TENM2: variants seen among roughly 807,000 people sequenced by gnomAD.
TENM2 encodes the protein teneurin-2.
A neutral mutation model predicts 245.2 loss-of-function variants in TENM2; 52 were observed. The observed-to-expected ratio is 0.21, with a 90% confidence interval of 0.17 to 0.27. TENM2 has a LOEUF of 0.27. TENM2 is among the 10% of genes least tolerant of loss of function. The pLI is 1.00. For synonymous variants in TENM2, 1,363 were observed against 1,438.9 expected (o/e 0.95, Z 1.19); for missense variants, 3,046 against 3,666.8 (o/e 0.83, Z 4.37).
intron 2 of TENM2, among the ~76,000 whole-genome samples, chr5:167,376,647 A>G (rs556058307): frequency 6.6e-6 from 1 of 152,136 alleles, no homozygotes; most frequent in East Asian, 1.9e-4. Flanking sequence ...CAGTGGGGAC[A>G]AGGGGATGTG....
chr5:167,103,896 G>A, the TENM2 span, among the ~76,000 whole-genome samples: 10 of 150,802 alleles, frequency 6.6e-5, no homozygotes, highest in East Asian at 2.0e-4. Flanking sequence ...ACACACACAC[G>A]CATGCGCACA....
At chr5:166,979,577 C>A in the TENM2 span, among the ~76,000 whole-genome samples, 1 of 152,104 alleles carries the variant, frequency 6.6e-6, no homozygotes, top group Non-Finnish European at 1.5e-5. Flanking sequence ...TTCCCCTTTT[C>A]TTTCTTTCTT....
At chr5:167,997,916 T>C (rs930734742) in intron 5 of TENM2, among the ~76,000 whole-genome samples, 2 of 152,192 alleles carry the variant, frequency 1.3e-5, no homozygotes, top group East Asian at 3.9e-4. Context: ...AGTCCAACCA[T>C]ATGTCCACTG....
chr5:167,135,962 C>T, the TENM2 span, among the ~76,000 whole-genome samples: 3 of 152,122 alleles, frequency 2.0e-5, no homozygotes, highest in Admixed American at 6.5e-5. Flanking sequence ...AAGGATTCAC[C>T]GTTTTTAATG....
intron 2 of TENM2, among the ~76,000 whole-genome samples, chr5:167,581,528 C>T (rs1048171424): frequency 2.0e-5 from 3 of 152,132 alleles, no homozygotes; most frequent in Non-Finnish European, 4.4e-5. Flanking sequence ...CAAATCTAGT[C>T]ACATGTTCTG....
downstream of TENM2, chr5:168,263,699 C>T (rs571213036): frequency 3.9e-5 from 6 of 152,626 alleles, no homozygotes; most frequent in Admixed American, 6.6e-5. Context: ...GACAGTAATA[C>T]GCAGTTACAG....
chr5:167,322,040 C>A lies in TENM2; in HGVS notation c.226+36977C>A, dbSNP rs545337853. On this transcript the variant is annotated intron_variant, in intron 1 of 28. Coordinates refer to ENST00000518659, the Ensembl canonical transcript of TENM2. Reference sequence around the variant, plus strand: ...AGACACAGGGTTTCACCTTGTTGGCCAGGCTGGTCTTGAACTCCTGACCTC... The same window carrying A: ...AGACACAGGGTTTCACCTTGTTGGCAAGGCTGGTCTTGAACTCCTGACCTC... Among the ~76,000 whole-genome samples the A allele has an allele frequency of 1.4e-4, 22 of 151,952 alleles. No individual in the cohort carries two copies. In the South Asian group the frequency reaches 4.2e-3, roughly 29 times the overall value.
the TENM2 span, among the ~76,000 whole-genome samples, chr5:167,031,435 G>A: frequency 6.6e-6 from 1 of 152,202 alleles, no homozygotes; most frequent in Admixed American, 6.5e-5. Context: ...GAGTGCTTGA[G>A]TCAGTAGTTG....
intron 2 of TENM2, among the ~76,000 whole-genome samples, chr5:167,588,316 A>G (rs760380697): frequency 7.2e-5 from 11 of 152,196 alleles, no homozygotes; most frequent in Non-Finnish European, 1.2e-4. Flanking sequence ...TCTATATATA[A>G]TAGTAGTTTG....
intron 2 of TENM2, among the ~76,000 whole-genome samples, chr5:167,646,737 CAAGTA>C (rs1166154188): frequency 6.6e-6 from 1 of 151,924 alleles, no homozygotes; most frequent in Admixed American, 6.5e-5. Flanking sequence ...AATAATAGCA[CAAGTA>C]CAGTTTTAAA....
At chr5:167,958,437 G>T (rs906049961) in intron 4 of TENM2, among the ~76,000 whole-genome samples, 1 of 152,104 alleles carries the variant, frequency 6.6e-6, no homozygotes, top group African/African-American at 2.4e-5. Context: ...TATCCAATTT[G>T]CCAGTCTGTG....
chr5:167,945,524 G>T (rs1779542524), intron 3 of TENM2, among the ~76,000 whole-genome samples: 1 of 152,146 alleles, frequency 6.6e-6, no homozygotes, highest in Admixed American at 6.5e-5. Flanking sequence ...CTAAATGGGA[G>T]CTATTGGACT....
the TENM2 span, among the ~76,000 whole-genome samples, chr5:167,088,611 G>A: frequency 5.0e-3 from 764 of 151,372 alleles, 7 homozygotes; most frequent in African/African-American, 0.017. Flanking sequence ...TGGGTGATAA[G>A]AGCGAGACTC....
chr5:167,606,076 G>A (rs910284106), intron 2 of TENM2, among the ~76,000 whole-genome samples: 1 of 152,168 alleles, frequency 6.6e-6, no homozygotes, highest in African/African-American at 2.4e-5. Context: ...CTGAGGCCCA[G>A]CCCAGAGCAA....
chr5:167,290,882 G>T (rs947531708), intron 1 of TENM2, among the ~76,000 whole-genome samples: 2 of 152,010 alleles, frequency 1.3e-5, no homozygotes, highest in East Asian at 1.9e-4. Flanking sequence ...TTTCAGAAAT[G>T]AGTTTAAGAG....
intron 1 of TENM2, among the ~76,000 whole-genome samples, chr5:167,333,173 C>A (rs970498677): frequency 6.6e-6 from 1 of 152,142 alleles, no homozygotes; most frequent in Non-Finnish European, 1.5e-5. Flanking sequence ...GAAAGTCTTT[C>A]CATAACAGGA....
chr5:167,075,011 G>A, the TENM2 span, among the ~76,000 whole-genome samples: 1 of 152,048 alleles, frequency 6.6e-6, no homozygotes, highest in Non-Finnish European at 1.5e-5. Context: ...TAGAAGCTTG[G>A]GTCTGTTTTT....
chr5:167,499,876 A>G (rs10041237), intron 2 of TENM2, among the ~76,000 whole-genome samples: 49,151 of 119,554 alleles, frequency 0.41, 9,931 homozygotes, highest in African/African-American at 0.6. Context: ...ATGTGAGGGT[A>G]TATGTGTGTG....
chr5:167,471,248 C>G (rs1490261295), intron 2 of TENM2, among the ~76,000 whole-genome samples: 2 of 152,050 alleles, frequency 1.3e-5, no homozygotes, highest in Admixed American at 1.3e-4. Context: ...GACTAAGGTC[C>G]TTATGAGTTA....
Sources: allele counts gnomAD v4.1 joint callset (sites outside exome capture counted in the v4.1 genomes callset), GRCh38; gene constraint gnomAD v4.1.1; transcripts MANE v1.5; gene names NCBI Gene and HGNC (gene_info 2026-07-23, HGNC 2026-07-21).